The following CDH13 variants were observed in gnomAD, a reference collection of about 807,000 sequenced individuals.
CDH13 encodes cadherin 13.
CDH13 carries 24 observed loss-of-function variants against 63.8 expected under a neutral mutation model. The observed-to-expected ratio is 0.38, with a 90% confidence interval of 0.27 to 0.53. CDH13 has a LOEUF of 0.53. Among genes scored for constraint, CDH13 ranks in the 20% least tolerant of loss-of-function variants. CDH13 has a pLI of 0.85. For missense variants in CDH13, 1,049 were observed against 903.1 expected, an observed-to-expected ratio of 1.16 and a Z score of -2.07; for synonymous variants, 503 against 355.3, an observed-to-expected ratio of 1.42 and a Z score of -4.67.
intron 2 of CDH13, among the ~76,000 whole-genome samples, chr16:82,895,577 C>G (rs181512992): frequency 1.3e-5 from 2 of 152,050 alleles, no homozygotes; most frequent in African/African-American, 4.8e-5. Context: ...TAATATTATG[C>G]GCTGTATGGG....
chr16:83,048,314 A>G (rs1917984868), intron 3 of CDH13, among the ~76,000 whole-genome samples: 1 of 152,232 alleles, frequency 6.6e-6, no homozygotes, highest in Non-Finnish European at 1.5e-5. Context: ...CTCAGCAGGT[A>G]TAAATATGAA....
intron 1 of CDH13, among the ~76,000 whole-genome samples, chr16:82,852,194 T>A (rs1808739209): frequency 6.6e-6 from 1 of 152,230 alleles, no homozygotes; most frequent in Admixed American, 6.5e-5. Flanking sequence ...TTTTCTTCAG[T>A]CCTGATATTT....
At chr16:82,708,778 G>T (rs1426594150) in intron 1 of CDH13, among the ~76,000 whole-genome samples, 1 of 152,138 alleles carries the variant, frequency 6.6e-6, no homozygotes, top group African/African-American at 2.4e-5. Context: ...TCAGTTTTCT[G>T]AGACACCCCT....
chr16:83,070,666 C>T (rs565672274), intron 3 of CDH13, among the ~76,000 whole-genome samples: 1 of 152,028 alleles, frequency 6.6e-6, no homozygotes, highest in South Asian at 2.1e-4. Flanking sequence ...GCTGAGACGC[C>T]CAAGAAGATG....
chr16:82,725,603 A>G (rs147901832), intron 1 of CDH13, among the ~76,000 whole-genome samples: 2 of 152,232 alleles, frequency 1.3e-5, no homozygotes, highest in East Asian at 3.8e-4. Context: ...AATGAATGCT[A>G]GATATCCTCA....
chr16:83,159,207 A>T (rs2037344087), intron 4 of CDH13, among the ~76,000 whole-genome samples: 1 of 152,114 alleles, frequency 6.6e-6, no homozygotes. Context: ...AAAAAAAAAG[A>T]CCATTCATCA....
intron 1 of CDH13, among the ~76,000 whole-genome samples, chr16:82,855,600 G>A (rs1466909287): frequency 6.6e-6 from 1 of 152,170 alleles, no homozygotes; most frequent in Middle Eastern, 3.2e-3. Context: ...CTGTGTATGT[G>A]CCACTTGGGA....
intron 8 of CDH13, among the ~76,000 whole-genome samples, chr16:83,665,821 G>C (rs926000698): frequency 1.1e-4 from 17 of 152,160 alleles, no homozygotes; most frequent in African/African-American, 3.4e-4. Context: ...TTAATCTAAA[G>C]GTCAACTTTC....
chr16:82,855,764 T>A (rs17740789), intron 1 of CDH13, among the ~76,000 whole-genome samples: 7,430 of 152,212 alleles, frequency 0.049, 280 homozygotes, highest in Non-Finnish European at 0.071. Flanking sequence ...GGGTGATGAC[T>A]CCCCCATTTC....
intron 6 of CDH13, among the ~76,000 whole-genome samples, chr16:83,447,007 A>C (rs1321033559): frequency 2.7e-5 from 4 of 146,876 alleles, no homozygotes; most frequent in Non-Finnish European, 6.0e-5. Context: ...TTAAGAAGTA[A>C]GGAAATGATT....
In CDH13 at chr16:83,424,815, G is replaced by T. The variant is rs117974465; in HGVS notation, c.782-61662G>T. Among the ~76,000 whole-genome samples the T allele has an allele frequency of 9.0e-3, 1,373 of 152,220 alleles. 2 individuals carry two copies. Among genetic ancestry groups the T allele is most frequent in the South Asian group, 0.019 (92 of 4,814 alleles). On this transcript the variant is annotated intron_variant, in intron 6 of 13. Coordinates refer to ENST00000567109, the MANE Select transcript of CDH13 (RefSeq NM_001257.5). ...GTCAGAGACCAATTTTAATCCCAAG[G>T]TTGATTAGACAGGTAGCTCTTCGCA...
intron 5 of CDH13, among the ~76,000 whole-genome samples, chr16:83,274,736 T>C (rs1597641147): frequency 6.6e-6 from 1 of 152,200 alleles, no homozygotes; most frequent in East Asian, 1.9e-4. Context: ...AGGGGGGGTG[T>C]TTATTAAATA....
chr16:83,032,180 G>A lies in CDH13; in HGVS notation c.328G>A (p.Val110Met), dbSNP rs375168918. Residue 110 changes from valine (V) to methionine (M), a missense_variant, in exon 3 of 14, where the codon GTG (valine) becomes ATG (methionine). By Grantham distance (21) the Val-to-Met change is conservative (BLOSUM62 1). Transcript: ENST00000567109. ...CCATGCGGAAGATATGGCAGAACTC[G>A]TGATTGTCGGGGGGAAAGACATCCA... ...TPHAEDMAEL[V>M]IVGGKDIQGS... The A allele has an allele frequency of 4.7e-5, 76 of 1,613,728 alleles. No individual in the cohort carries two copies. The African/African-American group carries it at 7.2e-4, about 15-fold the overall frequency.
chr16:83,678,050 C>A (rs867632347), intron 9 of CDH13, among the ~76,000 whole-genome samples, 158 bp from the exon 10 acceptor site: 1 of 152,114 alleles, frequency 6.6e-6, no homozygotes, highest in African/African-American at 2.4e-5. Context: ...TATTCTTTAT[C>A]TTAAAGATAG....
chr16:83,272,666 T>C (rs945644840), intron 5 of CDH13, among the ~76,000 whole-genome samples: 7 of 152,180 alleles, frequency 4.6e-5, no homozygotes, highest in Non-Finnish European at 7.3e-5. Context: ...TTAATAGGTC[T>C]GTGTGGCCCC....
chr16:82,731,280 A>G (rs2033389769), intron 1 of CDH13, among the ~76,000 whole-genome samples: 1 of 152,212 alleles, frequency 6.6e-6, no homozygotes, highest in Non-Finnish European at 1.5e-5. Context: ...AGAGTGGAAA[A>G]CAGTCATAGA....
chr16:82,862,807 G>T (rs184625538), intron 2 of CDH13, among the ~76,000 whole-genome samples: 27 of 152,248 alleles, frequency 1.8e-4, no homozygotes, highest in Admixed American at 4.6e-4. Flanking sequence ...AGATGCAGTC[G>T]GGCTGCTCTC....
intron 6 of CDH13, among the ~76,000 whole-genome samples, chr16:83,441,656 A>T (rs1469505842): frequency 1.3e-5 from 2 of 152,014 alleles, no homozygotes; most frequent in Non-Finnish European, 2.9e-5. Context: ...ACGGTTTATG[A>T]CTCACAGCTG....
intron 5 of CDH13, among the ~76,000 whole-genome samples, chr16:83,301,556 G>A (rs556584934): frequency 6.6e-6 from 1 of 152,094 alleles, no homozygotes; most frequent in African/African-American, 2.4e-5. Flanking sequence ...CAGTGAAACT[G>A]GTGGAGCAAG....
Sources: allele counts gnomAD v4.1 joint callset (sites outside exome capture counted in the v4.1 genomes callset), GRCh38; gene constraint gnomAD v4.1.1; transcripts MANE v1.5; gene names NCBI Gene and HGNC (gene_info 2026-07-23, HGNC 2026-07-21).